The following DYNLT2B variants were observed in gnomAD, a reference collection of about 807,000 sequenced individuals.
The protein encoded by DYNLT2B is dynein light chain Tctex-type protein 2B.
DYNLT2B carries 14 observed loss-of-function variants against 19.5 expected under a neutral mutation model. The ratio of observed to expected loss-of-function variants is 0.72; its 90% CI spans 0.47 to 1.12. DYNLT2B has a LOEUF of 1.12. Ranked by LOEUF, DYNLT2B falls within the 50% of genes most tolerant of loss-of-function variation. The pLI is 0.00. For missense variants in DYNLT2B, 133 were observed against 174.7 expected (o/e 0.76, Z 1.35); for synonymous variants, 70 against 59.7 (o/e 1.17, Z -0.79).
chr3:196,314,692 C>A (rs940490228), intron 2 of DYNLT2B, among the ~76,000 whole-genome samples: 4 of 151,380 alleles, frequency 2.6e-5, no homozygotes, highest in Admixed American at 2.6e-4. Context: ...CACGGTGGCA[C>A]AAGCCTGTAG....
intron 4 of DYNLT2B, among the ~76,000 whole-genome samples, chr3:196,291,723 A>G (rs1202694078): frequency 6.6e-6 from 1 of 152,162 alleles, no homozygotes; most frequent in Non-Finnish European, 1.5e-5. Context: ...CAAGCAATCC[A>G]CCCATGTTGG....
intron 3 of DYNLT2B, among the ~76,000 whole-genome samples, chr3:196,296,745 T>C (rs1442055670): frequency 6.6e-6 from 1 of 152,212 alleles, no homozygotes; most frequent in Non-Finnish European, 1.5e-5. Flanking sequence ...TGAAATTCTA[T>C]GTAGACCTTA....
At chr3:196,316,608 C>T (rs1348150893) in intron 1 of DYNLT2B, among the ~76,000 whole-genome samples, 3 of 152,094 alleles carry the variant, frequency 2.0e-5, no homozygotes, top group African/African-American at 7.2e-5. Context: ...GGCTGAATGG[C>T]ATTCTGGGCA....
At chr3:196,295,544 A>C (rs1468644108) in intron 4 of DYNLT2B, among the ~76,000 whole-genome samples, 1 of 151,214 alleles carries the variant, frequency 6.6e-6, no homozygotes, top group Non-Finnish European at 1.5e-5. Flanking sequence ...TTTTACTACT[A>C]AAAAAAAATG....
Position 196,317,889 on chromosome 3 carries a change from G to C in DYNLT2B, c.113+151C>G, listed in dbSNP as rs536989675. ...GGAGGGGCGCCCGGACGTCACAGCA[G>C]GGCCGCCCGCCCGCCTCGCGGCCTC... On this transcript the variant is annotated intron_variant, in intron 1 of 4. Transcript: ENST00000325318. 479 of 342,276 alleles carry C rather than the reference G, an allele frequency of 1.4e-3. 4 individuals are homozygous for C. The highest frequency in any genetic ancestry group is 9.4e-3 in the African/African-American group (433 of 46,062). The allele number at this position is 342,276 out of a possible 1,614,324, so 21.2% of individuals were successfully genotyped here.
chr3:196,294,279 G>GGAGGTT (rs1193000628), intron 4 of DYNLT2B, among the ~76,000 whole-genome samples: 1 of 152,136 alleles, frequency 6.6e-6, no homozygotes, highest in African/African-American at 2.4e-5. Flanking sequence ...CCCGGGAGGT[G>GGAGGTT]GAGGTTGTGG....
chr3:196,306,473 T>C (rs1327473401), intron 3 of DYNLT2B, among the ~76,000 whole-genome samples: 9 of 151,872 alleles, frequency 5.9e-5, no homozygotes, highest in Non-Finnish European at 1.2e-4. Context: ...TACATACATA[T>C]ATGAGGCATA....
chr3:196,317,206 T>C (rs1726869011), intron 1 of DYNLT2B, among the ~76,000 whole-genome samples: 1 of 119,170 alleles, frequency 8.4e-6, no homozygotes, highest in African/African-American at 3.2e-5. Flanking sequence ...GTAAAGTTAG[T>C]GATCTTACAA....
chr3:196,318,007 AG>A, intron 1 of DYNLT2B, 32 bp downstream of exon 1: 1 of 1,364,970 alleles, frequency 7.3e-7, no homozygotes, highest in Non-Finnish European at 9.7e-7. Flanking sequence ...AGCGCGCTCG[AG>A]GTCGCCCCGC....
At chr3:196,314,732 G>A (rs375567623) in intron 2 of DYNLT2B, among the ~76,000 whole-genome samples, 2 of 151,816 alleles carry the variant, frequency 1.3e-5, no homozygotes, top group East Asian at 3.9e-4. Context: ...TGAGATGGGA[G>A]GATCGCTTGA....
chr3:196,314,495 A>G (rs1439507215), intron 2 of DYNLT2B, among the ~76,000 whole-genome samples: 1 of 150,682 alleles, frequency 6.6e-6, no homozygotes, highest in Non-Finnish European at 1.5e-5. Context: ...AGAACTTTTC[A>G]GATCAGACGG....
At chr3:196,293,936 C>A (rs1404066802) in intron 4 of DYNLT2B, among the ~76,000 whole-genome samples, 1 of 151,362 alleles carries the variant, frequency 6.6e-6, no homozygotes, top group East Asian at 2.0e-4. Context: ...AGCCACCGTG[C>A]CTGGCAAAAA....
intron 3 of DYNLT2B, among the ~76,000 whole-genome samples, chr3:196,303,780 G>C (rs550840818): frequency 2.0e-5 from 3 of 152,306 alleles, no homozygotes; most frequent in South Asian, 4.1e-4. Context: ...GAACAAACTA[G>C]AAATCAGAAC....
intron 3 of DYNLT2B, among the ~76,000 whole-genome samples, chr3:196,302,370 G>A (rs958273991): frequency 6.6e-6 from 1 of 152,152 alleles, no homozygotes; most frequent in African/African-American, 2.4e-5. Context: ...GGCTGGGGTA[G>A]GGAATGAACA....
intron 3 of DYNLT2B, among the ~76,000 whole-genome samples, chr3:196,301,049 G>A (rs2108792470): frequency 6.6e-6 from 1 of 151,796 alleles, no homozygotes; most frequent in South Asian, 2.1e-4. Flanking sequence ...ACAGAGTTGA[G>A]ACTCTGTCTC....
At chr3:196,307,593 G>T (rs1205912076) in intron 2 of DYNLT2B, among the ~76,000 whole-genome samples, 2 of 151,722 alleles carry the variant, frequency 1.3e-5, no homozygotes, top group African/African-American at 4.8e-5. Flanking sequence ...GTGAGCCACC[G>T]CGCCCGGTCA....
intron 3 of DYNLT2B, among the ~76,000 whole-genome samples, chr3:196,306,689 C>A (rs1185666223): frequency 6.6e-6 from 1 of 152,100 alleles, no homozygotes; most frequent in Non-Finnish European, 1.5e-5. Flanking sequence ...GCTGGGACTA[C>A]AAGCGCACGC....
At chr3:196,297,624 T>C (rs764547564) in intron 3 of DYNLT2B, among the ~76,000 whole-genome samples, 2 of 152,368 alleles carry the variant, frequency 1.3e-5, no homozygotes, top group East Asian at 1.9e-4. Flanking sequence ...CAAACACTTA[T>C]TGAGCACTTA....
intron 4 of DYNLT2B, among the ~76,000 whole-genome samples, chr3:196,295,084 A>G (rs962392317): frequency 6.6e-6 from 1 of 151,896 alleles, no homozygotes; most frequent in Non-Finnish European, 1.5e-5. Flanking sequence ...TTCTACTCTA[A>G]CTCTGACTCT....
Sources: allele counts gnomAD v4.1 joint callset (sites outside exome capture counted in the v4.1 genomes callset), GRCh38; gene constraint gnomAD v4.1.1; transcripts MANE v1.5; gene names NCBI Gene and HGNC (gene_info 2026-07-23, HGNC 2026-07-21).